TREM1: variants seen among roughly 807,000 people sequenced by gnomAD.
TREM1 encodes triggering receptor expressed on monocytes 1.
Under a neutral mutation model 22.4 loss-of-function variants are expected in TREM1, and 16 were observed. The ratio of observed to expected loss-of-function variants is 0.71; its 90% CI spans 0.48 to 1.08. The LOEUF (loss-of-function observed/expected upper bound fraction) is 1.08. Among genes scored for constraint, TREM1 ranks in the 50% least tolerant of loss-of-function variants. The probability of loss-of-function intolerance (pLI) is 0.00; values close to 1 mark genes in which losing one functional copy is unlikely to be tolerated. For synonymous variants in TREM1, 110 were observed against 111.6 expected (o/e 0.99, Z 0.09); for missense variants, 283 against 282.9 (o/e 1.00, Z 0.00).
chr6:41,272,278 C>T (rs1767502692), downstream of TREM1, among the ~76,000 whole-genome samples: 3 of 152,278 alleles, frequency 2.0e-5, no homozygotes, highest in South Asian at 6.2e-4. Flanking sequence ...TCTAGACCCA[C>T]CCACCTGATG....
chr6:41,282,122 A>G (rs1767945584), intron 2 of TREM1: 1 of 374,702 alleles, frequency 2.7e-6, no homozygotes, highest in South Asian at 5.4e-5. Flanking sequence ...TTCTAAGTGG[A>G]GAACAAAGAA....
chr6:41,281,361 C>T, intron 2 of TREM1: 1 of 544,698 alleles, frequency 1.8e-6, no homozygotes, highest in South Asian at 3.1e-5. Flanking sequence ...ACTGTGGAGT[C>T]AACCTGAGTC....
chr6:41,272,994 A>G (rs2113971417), downstream of TREM1, among the ~76,000 whole-genome samples: 1 of 152,216 alleles, frequency 6.6e-6, no homozygotes, highest in African/African-American at 2.4e-5. Flanking sequence ...TCTATTGAGG[A>G]TGGAAGCAGC....
At chr6:41,268,143 G>T (rs553884504) in intron 3 of TREM1, 2 of 398,358 alleles carry the variant, frequency 5.0e-6, no homozygotes, top group East Asian at 7.1e-5. Flanking sequence ...CAGGAGATAG[G>T]CAAGGACGTT....
intron 3 of TREM1, among the ~76,000 whole-genome samples, chr6:41,278,703 C>T (rs1001831681): frequency 6.6e-6 from 1 of 151,686 alleles, no homozygotes; most frequent in Non-Finnish European, 1.5e-5. Context: ...TCTTTTCAAA[C>T]AGCTAGTGTG....
chr6:41,277,907 C>CTTTTTTTTT (rs11341322), intron 3 of TREM1, among the ~76,000 whole-genome samples: 5 of 111,348 alleles, frequency 4.5e-5, no homozygotes, highest in African/African-American at 1.4e-4. Flanking sequence ...TTCTTTTTGT[C>CTTTTTTTTT]TTTTTTTTTT....
chr6:41,275,089 T>G lies in TREM1; in HGVS notation c.*1036A>C, dbSNP rs1269752291. 1 of 151,810 alleles carries G rather than the reference T, an allele frequency of 6.6e-6. No homozygotes were observed. The highest frequency in any genetic ancestry group is 2.4e-5 in the African/African-American group (1 of 41,286). The allele number at this position is 151,810 out of a possible 1,614,324, so 9.4% of individuals were successfully genotyped here. The stretch of plus-strand genomic sequence containing the variant: ...GTGGTGGCCTGAACACCTACCTGCT[T>G]CACCGGGGAGGGCACTGGAGAGAGC... On this transcript the variant is annotated 3_prime_UTR_variant, in exon 4 of 4. Transcript: ENST00000244709.
chr6:41,278,394 A>T (rs1581628453), intron 3 of TREM1, among the ~76,000 whole-genome samples: 1 of 151,324 alleles, frequency 6.6e-6, no homozygotes, highest in East Asian at 2.0e-4. Flanking sequence ...TCATGGCTGG[A>T]TGTGGTGGCT....
At position 41,277,254 on chromosome 6, in the gene TREM1, T is replaced by C. The variant is rs148635223; in HGVS notation, c.600-1024A>G. ...GAAAGCAGAAAACTGCCTATTTGCC[T>C]GAAATCCACCCCCATTCAAGGGCCC... On this transcript the variant is annotated intron_variant, in intron 3 of 3. Transcript: ENST00000244709. Among the ~76,000 whole-genome samples the C allele has an allele frequency of 5.5e-4, 84 of 151,844 alleles. 2 individuals are homozygous for C. Among genetic ancestry groups the C allele is most frequent in the Middle Eastern group, 6.8e-3 (2 of 294 alleles).
Position 41,274,283 on chromosome 6 carries a change from G to T in TREM1, c.*1842C>A, listed in dbSNP as rs1452502136. 1.3e-5 allele frequency among the ~76,000 whole-genome samples: 2 copies of T among 152,056 alleles called. No individual in the cohort carries two copies. The highest frequency in any genetic ancestry group is 2.9e-5 in the Non-Finnish European group (2 of 68,002). ...ACTAGTATACAGTAGGTCTGCAGGG[G>T]CCCTGGACTCATAAAGCATTTGCTT... On this transcript the variant is annotated 3_prime_UTR_variant, in exon 4 of 4. Transcript: ENST00000244709.
chr6:41,277,016 C>T (rs1490492701), intron 3 of TREM1, among the ~76,000 whole-genome samples: 1 of 151,648 alleles, frequency 6.6e-6, no homozygotes, highest in Non-Finnish European at 1.5e-5. Context: ...GGCTTTTCTA[C>T]AGTTTATAGC....
chr6:41,268,962 C>T (rs577395619), downstream of TREM1, among the ~76,000 whole-genome samples: 20 of 152,294 alleles, frequency 1.3e-4, 1 homozygote, highest in South Asian at 4.1e-3. Context: ...TTCCAACCAT[C>T]CTGCCCATGG....
At position 41,275,969 on chromosome 6, in the gene TREM1, G is replaced by A. The variant is rs780780450; in HGVS notation, c.*156C>T. On this transcript the variant is annotated 3_prime_UTR_variant, in exon 4 of 4. Coordinates refer to ENST00000244709, the MANE Select transcript of TREM1 (RefSeq NM_018643.5). ...ATTATTAGAGGAACGAGGGCAGTGG[G>A]CAGGAAGGTGAGACGCTGACTTTAG... 4.8e-6 allele frequency: 3 copies of A among 626,296 alleles called. No individual in the cohort carries two copies. Among genetic ancestry groups the A allele is most frequent in the Admixed American group, 5.3e-5 (2 of 37,698 alleles). 38.8% of individuals were successfully genotyped at this position (626,296 alleles called of 1,614,324 possible). A position where few individuals can be genotyped will look rare whatever the true frequency, so the allele number is the denominator to read the frequency against.
intron 1 of TREM1, among the ~76,000 whole-genome samples, chr6:41,283,325 C>T (rs1768013150): frequency 6.6e-6 from 1 of 152,164 alleles, no homozygotes; most frequent in African/African-American, 2.4e-5. Context: ...CAGAGCACCC[C>T]TTTCCAAGGG....
At chr6:41,267,575 T>C (rs6941499), downstream of TREM1, among the ~76,000 whole-genome samples, 4,730 of 152,070 alleles carry the variant, frequency 0.031, 195 homozygotes, top group South Asian at 0.11. Context: ...CAGCTCAGGA[T>C]GAAGGTAGTA....
rs368115276 is a variant in TREM1 at position 41,276,235 on chromosome 6, G to A, written c.600-5C>T. The A allele has an allele frequency of 1.1e-5, 17 of 1,611,660 alleles. No individual in the cohort carries two copies. The highest frequency in any genetic ancestry group is 1.7e-5 in the Admixed American group (1 of 60,000). ...ACAATGTTGAACACCGGAACCCTGC[G>A]GGAGACAAGAGGCTGAACGCTACTG... On this transcript the variant is annotated splice_region_variant and splice_polypyrimidine_tract_variant and intron_variant, in intron 3 of 3. Coordinates refer to ENST00000244709, the MANE Select transcript of TREM1 (RefSeq NM_018643.5).
chr6:41,284,549 T>C (rs1768074900), intron 1 of TREM1, among the ~76,000 whole-genome samples: 3 of 152,166 alleles, frequency 2.0e-5, no homozygotes, highest in Admixed American at 1.3e-4. Flanking sequence ...AGACTGTAGC[T>C]TACCCACTCA....
chr6:41,272,471 C>T (rs76974024), downstream of TREM1, among the ~76,000 whole-genome samples: 2,082 of 152,302 alleles, frequency 0.014, 50 homozygotes, highest in African/African-American at 0.048. Context: ...AATATCACCC[C>T]GCACCATGGT....
intron 3 of TREM1, chr6:41,279,614 A>C: frequency 1.0e-6 from 1 of 985,402 alleles, no homozygotes; most frequent in Non-Finnish European, 1.2e-6. Context: ...GGAAAAAGGC[A>C]CTGCCACTAC....
Sources: gnomAD v4.1 joint callset for allele counts (sites outside exome capture counted in the v4.1 genomes callset) on GRCh38, gnomAD v4.1.1 for gene constraint, MANE v1.5 for transcripts, NCBI Gene and HGNC (gene_info 2026-07-23, HGNC 2026-07-21) for gene names.